EIF4G2: variants seen among roughly 807,000 people sequenced by gnomAD.
EIF4G2 encodes the protein DAP-5.
In EIF4G2, 8 loss-of-function variants were observed where a neutral mutation model predicts 117.7. The observed-to-expected ratio is 0.07, with a 90% CI of 0.04 to 0.12. The LOEUF (loss-of-function observed/expected upper bound fraction) is 0.12. EIF4G2 is among the 10% of genes least tolerant of loss of function. EIF4G2 has a pLI of 1.00. For synonymous variants in EIF4G2, 413 were observed against 367.8 expected (o/e 1.12, Z -1.41); for missense variants, 812 against 1,086.2 (o/e 0.75, Z 3.55).
chr11:10,807,537 T>G (rs1847615384), intron 1 of EIF4G2, 156 bp from the exon 2 acceptor site: 5 of 1,290,008 alleles, frequency 3.9e-6, no homozygotes, highest in Non-Finnish European at 4.9e-6. Context: ...CAATTACATT[T>G]TGTTTAGCCA....
At position 10,803,752 on chromosome 11, in the gene EIF4G2, A is replaced by C; in HGVS notation, c.702+147T>G. On this transcript the variant is annotated intron_variant, in intron 8 of 21. Transcript: ENST00000339995. The surrounding 1 kb of genome is among the most constrained non-coding windows in gnomAD (Gnocchi z 4.0). ...TGATCAGTTCTAACTCTACTTTGTC[A>C]AACACACCACGTATTTCAAATTATT... 2 of 1,216,122 alleles carry C rather than the reference A, an allele frequency of 1.6e-6. No individual in the cohort carries two copies. The highest frequency in any genetic ancestry group is 2.9e-5 in the South Asian group (2 of 69,702). The allele number at this position is 1,216,122 out of a possible 1,614,324, so 75.3% of individuals were successfully genotyped here.
intron 1 of EIF4G2, chr11:10,807,984 A>C: frequency 9.7e-7 from 1 of 1,030,436 alleles, no homozygotes; most frequent in South Asian, 3.1e-5. Context: ...ACCCAGGCGC[A>C]AGTTAGGGAA....
At chr11:10,805,804 A>C in intron 4 of EIF4G2, 103 bp downstream of exon 4, 1 of 1,523,828 alleles carries the variant, frequency 6.6e-7, no homozygotes, top group Non-Finnish European at 9.1e-7. Flanking sequence ...TAAAACATAC[A>C]TACTCTGGGC....
chr11:10,808,557 G>A (rs1847664246), intron 1 of EIF4G2, 148 bp downstream of exon 1: 1 of 1,099,092 alleles, frequency 9.1e-7, no homozygotes, highest in Non-Finnish European at 1.1e-6. Flanking sequence ...GACTTTCCAG[G>A]TATCTGAAGC....
chr11:10,803,040 T>C lies in EIF4G2; in HGVS notation c.986A>G (p.Asp329Gly). The change falls in exon 11 of 22, where the codon GAT (aspartate) becomes GGT (glycine). Residue 329 changes from aspartate (D) to glycine (G), a missense_variant. By Grantham distance (94) the Asp-to-Gly change is moderately conservative. This residue lies in a region of EIF4G2 where 154 missense variants were observed against 322.1 expected (regional missense o/e 0.48). Coordinates refer to ENST00000339995, the MANE Select transcript of EIF4G2 (RefSeq NM_001418.4). The surrounding 1 kb of genome is among the most constrained non-coding windows in gnomAD (Gnocchi z 4.0). ...AAAACCCAATCTTACTTTTACTGCA[T>C]CTTGACGAATTTGATTGATCGTCTT... 1 of 1,609,330 alleles carries C rather than the reference T, an allele frequency of 6.2e-7. No individual in the cohort carries two copies. The highest frequency in any genetic ancestry group is 8.5e-7 in the Non-Finnish European group (1 of 1,177,954).
intron 4 of EIF4G2, 132 bp from the exon 5 acceptor site, chr11:10,805,147 AT>A: frequency 1.4e-6 from 1 of 701,416 alleles, no homozygotes; most frequent in Middle Eastern, 3.9e-4. Context: ...TTTCTTACTC[AT>A]CTAAAACCAA....
At chr11:10,804,562 C>G in intron 5 of EIF4G2, 144 bp from the exon 6 acceptor site, 1 of 1,050,174 alleles carries the variant, frequency 9.5e-7, no homozygotes, top group Non-Finnish European at 1.3e-6. Flanking sequence ...TCACATCCAT[C>G]TCCTGGGAGT....
chr11:10,806,186 C>G, intron 3 of EIF4G2, 139 bp from the exon 4 acceptor site: 1 of 1,161,284 alleles, frequency 8.6e-7, no homozygotes, highest in Non-Finnish European at 1.2e-6. Flanking sequence ...ATTAGTGCTT[C>G]TGGAACAGTA....
At position 10,803,326 on chromosome 11, in the gene EIF4G2, G is replaced by A. The variant is rs1395383445; in HGVS notation, c.814-32C>T. 2 of 1,605,820 alleles carry A rather than the reference G, an allele frequency of 1.2e-6. No individual in the cohort carries two copies. The highest frequency in any genetic ancestry group is 8.5e-7 in the Non-Finnish European group (1 of 1,175,450). ...AGAGAAGAATACATTCATTGGAAGA[G>A]CTAAAGCAAATGTGTTCAATTTACA... On this transcript the variant is annotated intron_variant, in intron 9 of 21. Coordinates refer to ENST00000339995, the MANE Select transcript of EIF4G2 (RefSeq NM_001418.4). This position sits in a 1 kb window ranked among gnomAD's most constrained non-coding sequence, Gnocchi z 4.0.
chr11:10,800,673 T>A (rs531437476), intron 16 of EIF4G2, 26 bp from the exon 17 acceptor site: 1 of 1,614,044 alleles, frequency 6.2e-7, no homozygotes, highest in South Asian at 1.1e-5. Context: ...GTATCTTTAA[T>A]GTATTCTCTA....
Position 10,800,555 on chromosome 11 carries a change from A to T in EIF4G2, c.1737T>A (p.Pro579=), listed in dbSNP as rs1847387915. Residue 579 remains proline (P), a synonymous_variant, in exon 17 of 22, where the codon CCT becomes CCA. Coordinates refer to ENST00000339995, the MANE Select transcript of EIF4G2 (RefSeq NM_001418.4). ...GGATGATTACTTTGCTTAACATCTC[A>T]GGAAGAAAGTGTTTAGGAGCCCTCA... 1.9e-6 allele frequency: 3 copies of T among 1,614,022 alleles called. No individual in the cohort carries two copies. In the South Asian group the frequency reaches 3.3e-5, roughly 18 times the overall value.
At position 10,806,872 on chromosome 11, in the gene EIF4G2, C is replaced by T. The variant is rs200959719; in HGVS notation, c.55G>A (p.Gly19Arg). ...TGAGGTGCACCCCTACTTCCTCCTC[C>T]GCCCGAAGAAGCACTATTTAAAAGA... Residue 19 changes from glycine to arginine, a missense_variant, in exon 3 of 22, where the codon GGA (glycine) becomes AGA (arginine). By Grantham distance (125) the Gly-to-Arg change is moderately radical (BLOSUM62 -2). Coordinates refer to ENST00000339995, the MANE Select transcript of EIF4G2 (RefSeq NM_001418.4). 462 of 1,614,108 alleles carry T rather than the reference C, an allele frequency of 2.9e-4. No homozygotes were observed. Among genetic ancestry groups the T allele is most frequent in the Non-Finnish European group, 2.8e-4 (326 of 1,180,024 alleles).
Position 10,800,628 on chromosome 11 carries a change from T to C in EIF4G2, c.1664A>G (p.Tyr555Cys), listed in dbSNP as rs778459805. Residue 555 changes from tyrosine to cysteine, a missense_variant, in exon 17 of 22, where the codon TAT (tyrosine) becomes TGT (cysteine). Tyr to Cys is a radical substitution (Grantham distance 194). Around this residue, in one of 4 missense-constraint regions of EIF4G2, gnomAD observed 571 missense variants for 642.3 expected, o/e 0.89. Coordinates refer to ENST00000339995, the MANE Select transcript of EIF4G2 (RefSeq NM_001418.4). ...CTCATTTGCATTTCCACTATTTAGA[T>C]ATTCAGTCACAACAGTTTCCTGTGA... 1.2e-6 allele frequency: 2 copies of C among 1,614,188 alleles called. No individual in the cohort carries two copies. The highest frequency in any genetic ancestry group is 1.7e-6 in the Non-Finnish European group (2 of 1,180,038).
intron 5 of EIF4G2, 162 bp from the exon 6 acceptor site, chr11:10,804,580 T>G (rs530971654): frequency 4.6e-6 from 4 of 878,950 alleles, no homozygotes; most frequent in Non-Finnish European, 6.6e-6. Context: ...AGTCAGAAAA[T>G]GCCATGGATA....
In EIF4G2 at chr11:10,804,267, A is replaced by T; in HGVS notation, c.483+20T>A. On this transcript the variant is annotated intron_variant, in intron 6 of 21. Transcript: ENST00000339995. The stretch of plus-strand genomic sequence containing the variant: ...TTTTCAAGTCAACTTTAAAACAAGC[A>T]AACAAAAACTACCACTTACGGTGCT... 1 of 1,612,978 alleles carries T rather than the reference A, an allele frequency of 6.2e-7. No individual in the cohort carries two copies. Among genetic ancestry groups the T allele is most frequent in the Non-Finnish European group, 8.5e-7 (1 of 1,179,178 alleles).
At chr11:10,804,661 A>C (rs1847509221) in intron 5 of EIF4G2, 3 of 606,218 alleles carry the variant, frequency 4.9e-6, no homozygotes. Context: ...GTTTTCCACA[A>C]AAGAAAAAGA....
In EIF4G2 at chr11:10,803,438, A is replaced by G; in HGVS notation, c.813+42T>C. On this transcript the variant is annotated intron_variant, in intron 9 of 21. Coordinates refer to ENST00000339995, the MANE Select transcript of EIF4G2 (RefSeq NM_001418.4). The surrounding 1 kb of genome is among the most constrained non-coding windows in gnomAD (Gnocchi z 4.0). ...TCACAAAAATCAATAGCTTGATTTA[A>G]AGACAAACTACTTGTACTACTTTCA... is the stretch of plus-strand genomic sequence containing the variant. 6.3e-7 allele frequency: 1 copy of G among 1,586,950 alleles called. No individual in the cohort carries two copies.
Position 10,803,034 on chromosome 11 carries a change from A to G in EIF4G2, c.992T>C (p.Val331Ala). ...CAAAACAAAACCCAATCTTACTTTT[A>G]CTGCATCTTGACGAATTTGATTGAT... is the stretch of plus-strand genomic sequence containing the variant. The change falls in exon 11 of 22, where the codon GTA becomes GCA. Residue 331 changes from valine to alanine, a missense_variant. This residue lies in a region of EIF4G2 where 154 missense variants were observed against 322.1 expected (regional missense o/e 0.48). Transcript: ENST00000339995. The surrounding 1 kb of genome is among the most constrained non-coding windows in gnomAD (Gnocchi z 4.0). The G allele has an allele frequency of 6.2e-7, 1 of 1,608,544 alleles. No individual in the cohort carries two copies. Among genetic ancestry groups the G allele is most frequent in the South Asian group, 1.1e-5 (1 of 90,284 alleles).
At position 10,800,767 on chromosome 11, in the gene EIF4G2, C is replaced by G; in HGVS notation, c.1608G>C (p.Lys536Asn). Residue 536 changes from lysine to asparagine, a missense_variant, in exon 16 of 22, where the codon AAG becomes AAC. This residue lies in a region of EIF4G2 where 571 missense variants were observed against 642.3 expected (regional missense o/e 0.89). Transcript: ENST00000339995. ...GGAGTTCTTCCTTTGACGGTGGTGG[C>G]TTTTTGCTGGTCTTGGCAGGCTTTT... 6.2e-7 allele frequency: 1 copy of G among 1,614,126 alleles called. No individual in the cohort carries two copies. Among genetic ancestry groups the G allele is most frequent in the Non-Finnish European group, 8.5e-7 (1 of 1,180,014 alleles).
Sources: allele counts gnomAD v4.1 joint callset, GRCh38; gene constraint gnomAD v4.1.1; regional missense constraint gnomAD v4.1.1; non-coding constraint Gnocchi (gnomAD v3.1); transcripts MANE v1.5; gene names NCBI Gene and HGNC (gene_info 2026-07-23, HGNC 2026-07-21).